TENM4: variants seen among roughly 807,000 people sequenced by gnomAD.
The protein encoded by TENM4 is teneurin-4.
TENM4 carries 82 observed loss-of-function variants against 243.3 expected under a neutral mutation model. That is an observed-to-expected ratio of 0.34 (90% CI 0.28 to 0.40). The LOEUF (loss-of-function observed/expected upper bound fraction) is 0.40, where lower values mean the gene tolerates loss of function less well. Ranked by LOEUF, TENM4 falls within the 10% of genes least tolerant of loss-of-function variation. The probability of loss-of-function intolerance (pLI) is 1.00; values close to 1 mark genes in which losing one functional copy is unlikely to be tolerated. For missense variants in TENM4, 3,138 were observed against 3,673.3 expected, an observed-to-expected ratio of 0.85 and a Z score of 3.77; for synonymous variants, 1,412 against 1,456.3, an observed-to-expected ratio of 0.97 and a Z score of 0.69.
At chr11:78,990,857 T>C (rs1858025498) in intron 6 of TENM4, among the ~76,000 whole-genome samples, 1 of 152,262 alleles carries the variant, frequency 6.6e-6, no homozygotes, top group Non-Finnish European at 1.5e-5. Context: ...TTACTTGTCA[T>C]GCTTCTCTGT....
chr11:79,271,812 T>C (rs1855974559), intron 2 of TENM4, among the ~76,000 whole-genome samples: 1 of 152,142 alleles, frequency 6.6e-6, no homozygotes, highest in Non-Finnish European at 1.5e-5. Flanking sequence ...GACCACCTAG[T>C]AATGAGGGCT....
At chr11:79,350,471 C>G (rs1857396101) in intron 1 of TENM4, among the ~76,000 whole-genome samples, 1 of 151,022 alleles carries the variant, frequency 6.6e-6, no homozygotes, top group Non-Finnish European at 1.5e-5. Context: ...ACCCTGTCAC[C>G]TAGGCTACAG....
intron 2 of TENM4, among the ~76,000 whole-genome samples, chr11:79,249,205 A>T (rs139692475): frequency 1.4e-3 from 218 of 152,342 alleles, no homozygotes; most frequent in African/African-American, 5.1e-3. Flanking sequence ...GTGTTAACTT[A>T]TTAAATCCTC....
chr11:79,071,827 AAGGCCACATGGTGAGTTAGTT>A (rs1381455862), intron 4 of TENM4, among the ~76,000 whole-genome samples: 9 of 152,182 alleles, frequency 5.9e-5, no homozygotes, highest in African/African-American at 2.2e-4. Context: ...TCTCCTGCCT[AAGGCCACATGGTGAGTTAGTT>A]GCAAAGCTGG....
chr11:78,743,208 A>G (rs758709194), intron 19 of TENM4, among the ~76,000 whole-genome samples: 3 of 152,132 alleles, frequency 2.0e-5, no homozygotes, highest in African/African-American at 4.8e-5. Flanking sequence ...TTCACCAAGC[A>G]GTATACACCA....
At chr11:79,357,356 A>G (rs983345430) in intron 1 of TENM4, among the ~76,000 whole-genome samples, 3 of 152,122 alleles carry the variant, frequency 2.0e-5, no homozygotes, top group Admixed American at 2.0e-4. Flanking sequence ...TTCATAGCCA[A>G]CTCTTACATC....
chr11:78,667,283 G>C (rs1302178436), intron 32 of TENM4, among the ~76,000 whole-genome samples: 1 of 152,122 alleles, frequency 6.6e-6, no homozygotes, highest in Admixed American at 6.5e-5. Flanking sequence ...TGGGATGCCT[G>C]CTCTCAATGT....
At chr11:79,333,817 A>T (rs556063020) in intron 1 of TENM4, among the ~76,000 whole-genome samples, 109 of 152,354 alleles carry the variant, frequency 7.2e-4, no homozygotes, top group African/African-American at 2.5e-3. Flanking sequence ...AGACTCAAAG[A>T]GGTGAAGTGA....
chr11:79,244,264 G>C (rs550630333), intron 2 of TENM4, among the ~76,000 whole-genome samples: 2 of 152,190 alleles, frequency 1.3e-5, no homozygotes, highest in African/African-American at 4.8e-5. Context: ...GGCTCCACCG[G>C]GGGTGAGCAG....
In TENM4 at chr11:78,891,286, T is replaced by C; in HGVS notation, c.800A>G (p.Glu267Gly). The change falls in exon 8 of 34, where the codon GAG becomes GGG. Residue 267 changes from glutamate to glycine, a missense_variant. By Grantham distance (98) the Glu-to-Gly change is moderately conservative (BLOSUM62 -2). This residue lies in a region of TENM4 where 671 missense variants were observed against 614.1 expected (regional missense o/e 1.09). Coordinates refer to ENST00000278550, the MANE Select transcript of TENM4 (RefSeq NM_001098816.3). ...GCGGGAGGCGCCGAGAATGTCCATC[T>C]CAATGAGGTTGTCCTGCAATGTCCC... is the stretch of plus-strand genomic sequence containing the variant. ...FLGTLQDNLIEMDILGASRHD... is the reference protein window; with the variant it reads ...FLGTLQDNLIGMDILGASRHD... 1 of 1,551,646 alleles carries C rather than the reference T, an allele frequency of 6.4e-7. No individual in the cohort carries two copies. Among genetic ancestry groups the C allele is most frequent in the Non-Finnish European group, 8.7e-7 (1 of 1,147,002 alleles).
chr11:79,248,849 C>G (rs1855563752), intron 2 of TENM4, among the ~76,000 whole-genome samples: 2 of 152,096 alleles, frequency 1.3e-5, no homozygotes, highest in Admixed American at 1.3e-4. Context: ...AAGCTTCCCT[C>G]CCCCACCCAT....
At chr11:78,896,633 C>T (rs1463573156) in intron 7 of TENM4, among the ~76,000 whole-genome samples, 1 of 152,128 alleles carries the variant, frequency 6.6e-6, no homozygotes, top group Non-Finnish European at 1.5e-5. Context: ...AAATGCCAAG[C>T]TCTCTCCTGG....
At chr11:79,049,722 G>A (rs1418394761) in intron 6 of TENM4, among the ~76,000 whole-genome samples, 1 of 152,178 alleles carries the variant, frequency 6.6e-6, no homozygotes, top group Non-Finnish European at 1.5e-5. Context: ...TTGGAATTTG[G>A]TGCATGCTAG....
At chr11:78,829,129 C>A (rs79363500) in intron 12 of TENM4, among the ~76,000 whole-genome samples, 2,802 of 152,314 alleles carry the variant, frequency 0.018, 93 homozygotes, top group African/African-American at 0.064. Context: ...CTCCTGGGTC[C>A]CTGGTTCTTT....
chr11:78,662,427 C>T (rs1442373023), intron 32 of TENM4, among the ~76,000 whole-genome samples: 1 of 152,048 alleles, frequency 6.6e-6, no homozygotes, highest in Non-Finnish European at 1.5e-5. Flanking sequence ...CTGACCTTGT[C>T]ATCCACCTGC....
At chr11:78,828,101 G>T (rs1189247944) in intron 12 of TENM4, among the ~76,000 whole-genome samples, 1 of 152,148 alleles carries the variant, frequency 6.6e-6, no homozygotes, top group African/African-American at 2.4e-5. Context: ...TGCAATTTCT[G>T]GTTGGTTTTA....
At chr11:78,819,857 C>T (rs1857688692) in intron 12 of TENM4, among the ~76,000 whole-genome samples, 1 of 152,182 alleles carries the variant, frequency 6.6e-6, no homozygotes. Context: ...TTTGGGAACA[C>T]CTGGTTGAAG....
rs374794361 is a variant in TENM4 at position 79,425,019 on chromosome 11, C to A, written c.-321+15490G>T. On this transcript the variant is annotated intron_variant, in intron 1 of 33. Coordinates refer to ENST00000278550, the MANE Select transcript of TENM4 (RefSeq NM_001098816.3). ...AGCCCAGATTTAAACTTAGGTCAGT[C>A]TGACTCTTCAGCTGATAATGTCTTA... is the stretch of plus-strand genomic sequence containing the variant. Among the ~76,000 whole-genome samples the A allele has an allele frequency of 1.6e-3, 241 of 152,278 alleles. 10 individuals are homozygous for A. In the South Asian group the frequency reaches 0.046, roughly 29 times the overall value.
intron 6 of TENM4, among the ~76,000 whole-genome samples, chr11:78,999,136 A>C (rs959357007): frequency 6.6e-6 from 1 of 152,178 alleles, no homozygotes; most frequent in Non-Finnish European, 1.5e-5. Flanking sequence ...GTGACAAGAA[A>C]AAAATCAAGT....
Sources: allele counts gnomAD v4.1 joint callset (sites outside exome capture counted in the v4.1 genomes callset), GRCh38; gene constraint gnomAD v4.1.1; regional missense constraint gnomAD v4.1.1; transcripts MANE v1.5; gene names NCBI Gene and HGNC (gene_info 2026-07-23, HGNC 2026-07-21).